The following SDC3 variants were observed in gnomAD, a reference collection of about 807,000 sequenced individuals.
SDC3 encodes syndecan 3, also known as syndecan-3.
In SDC3, 13 loss-of-function variants were observed where a neutral mutation model predicts 24.4. The ratio of observed to expected loss-of-function variants is 0.53; its 90% CI spans 0.35 to 0.85. The LOEUF is 0.85. Among genes scored for constraint, SDC3 ranks in the 40% least tolerant of loss-of-function variants. The pLI, the probability that SDC3 is intolerant of heterozygous loss-of-function variation, is 0.01. For missense variants in SDC3, 571 were observed against 584.5 expected, an observed-to-expected ratio of 0.98 and a Z score of 0.24; for synonymous variants, 295 against 260.9, an observed-to-expected ratio of 1.13 and a Z score of -1.26.
chr1:30,906,393 G>A (rs1037273741), intron 1 of SDC3, among the ~76,000 whole-genome samples: 2 of 152,074 alleles, frequency 1.3e-5, no homozygotes, highest in African/African-American at 2.4e-5. Context: ...CCAACACTGG[G>A]TCTGAGCCAC....
intron 1 of SDC3, among the ~76,000 whole-genome samples, chr1:30,884,076 G>A (rs1639788553): frequency 6.6e-6 from 1 of 152,192 alleles, no homozygotes; most frequent in Non-Finnish European, 1.5e-5. Flanking sequence ...GGAGGGGGAT[G>A]TCTCAGTCCC....
intron 1 of SDC3, among the ~76,000 whole-genome samples, chr1:30,905,932 C>G (rs1319163600): frequency 2.0e-5 from 3 of 148,350 alleles, no homozygotes; most frequent in Admixed American, 1.3e-4. Flanking sequence ...CCTGCTCTCC[C>G]TGCTATCCCC....
Position 30,876,955 on chromosome 1 carries a change from G to T in SDC3, c.467C>A (p.Ala156Asp). The T allele has an allele frequency of 6.2e-7, 1 of 1,613,740 alleles. No homozygotes were observed. The highest frequency in any genetic ancestry group is 1.1e-5 in the South Asian group (1 of 91,078). The change falls in exon 3 of 5, where the codon GCC becomes GAC. Residue 156 changes from alanine (A) to aspartate (D), a missense_variant. By Grantham distance (126) the Ala-to-Asp change is moderately radical (BLOSUM62 -2). Transcript: ENST00000339394. ...AGCCATGGTAGTGGAGACGGTGGTGGCTCTCTGGCTGGGCTCTTCCGGGAC... is the reference window on the plus strand; with the variant it reads ...AGCCATGGTAGTGGAGACGGTGGTGTCTCTCTGGCTGGGCTCTTCCGGGAC... Reference protein sequence around the residue: ...TEVPEEPSQRATTVSTTMATT... With the variant: ...TEVPEEPSQRDTTVSTTMATT...
chr1:30,908,287 C>T (rs1367596727), intron 1 of SDC3, among the ~76,000 whole-genome samples, 162 bp downstream of exon 1: 1 of 129,048 alleles, frequency 7.7e-6, no homozygotes, highest in Non-Finnish European at 1.6e-5. Context: ...GAAAGGGGCG[C>T]TCGGGGGAGG....
intron 1 of SDC3, among the ~76,000 whole-genome samples, chr1:30,905,857 GA>G (rs1638508245): frequency 7.7e-6 from 1 of 129,152 alleles, no homozygotes. Context: ...CCAGGAGACA[GA>G]CACAGACACA....
Position 30,907,651 on chromosome 1 carries a change from G to A in SDC3, c.138+798C>T, listed in dbSNP as rs12058796. Among the ~76,000 whole-genome samples the A allele has an allele frequency of 2.4e-3, 369 of 152,208 alleles. 3 individuals carry two copies. Among genetic ancestry groups the A allele is most frequent in the African/African-American group, 8.2e-3 (340 of 41,522 alleles). On this transcript the variant is annotated intron_variant, in intron 1 of 4. Coordinates refer to ENST00000339394, the MANE Select transcript of SDC3 (RefSeq NM_014654.4). ...CAATGGGTCACCCTCCCACGACCAC[G>A]GACGGGAGGGCACGCTGGCATCCAC... is the stretch of plus-strand genomic sequence containing the variant.
rs752456728 is a variant in SDC3 at position 30,876,802 on chromosome 1, C to G, written c.620G>C (p.Gly207Ala). ...TATTAVIRTT[G>A]VRRLLPLPLT... The stretch of plus-strand genomic sequence containing the variant: ...TGGGAGAGGCAGAAGCCTCCGTACG[C>G]CAGTGGTCCTTATAACAGCAGTGGT... The change falls in exon 3 of 5, where the codon GGC (glycine) becomes GCC (alanine). Residue 207 changes from glycine (G) to alanine (A), a missense_variant. Around this residue, in one of 2 missense-constraint regions of SDC3, gnomAD observed 497 missense variants for 471.6 expected, o/e 1.05. Coordinates refer to ENST00000339394, the MANE Select transcript of SDC3 (RefSeq NM_014654.4). 2 of 1,604,802 alleles carry G rather than the reference C, an allele frequency of 1.2e-6. No homozygotes were observed. The highest frequency in any genetic ancestry group is 8.5e-7 in the Non-Finnish European group (1 of 1,174,810).
chr1:30,905,478 G>A (rs1211227506), intron 1 of SDC3, among the ~76,000 whole-genome samples: 3 of 150,422 alleles, frequency 2.0e-5, no homozygotes, highest in African/African-American at 4.9e-5. Context: ...TATTTGTTGA[G>A]CCCTTAGTAG....
intron 1 of SDC3, among the ~76,000 whole-genome samples, chr1:30,900,475 G>A (rs1638391213): frequency 6.6e-6 from 1 of 152,168 alleles, no homozygotes; most frequent in African/African-American, 2.4e-5. Flanking sequence ...ATGACAGAGG[G>A]TAAAGACTGA....
chr1:30,907,250 C>G (rs538752388), intron 1 of SDC3, among the ~76,000 whole-genome samples: 1 of 152,180 alleles, frequency 6.6e-6, no homozygotes, highest in Non-Finnish European at 1.5e-5. Flanking sequence ...TGAGCCAGAA[C>G]CTGGACACTT....
At chr1:30,894,594 T>G (rs1249529429) in intron 1 of SDC3, among the ~76,000 whole-genome samples, 3 of 137,658 alleles carry the variant, frequency 2.2e-5, no homozygotes, top group African/African-American at 5.5e-5. Flanking sequence ...GCTACGTGTG[T>G]GTGGGTGTGT....
intron 1 of SDC3, among the ~76,000 whole-genome samples, chr1:30,888,698 A>G (rs944449905): frequency 6.6e-6 from 1 of 152,190 alleles, no homozygotes; most frequent in Admixed American, 6.5e-5. Context: ...ATTTATAACC[A>G]GCCCAAACTC....
intron 1 of SDC3, among the ~76,000 whole-genome samples, chr1:30,902,463 G>A (rs966717110): frequency 6.6e-6 from 1 of 152,170 alleles, no homozygotes; most frequent in African/African-American, 2.4e-5. Flanking sequence ...GGTGTGGGGG[G>A]TGCCATCAAC....
At chr1:30,897,416 C>T (rs934300477) in intron 1 of SDC3, among the ~76,000 whole-genome samples, 1 of 152,204 alleles carries the variant, frequency 6.6e-6, no homozygotes, top group Non-Finnish European at 1.5e-5. Context: ...TTTTCAAGGG[C>T]CCTTCCAGCT....
intron 1 of SDC3, among the ~76,000 whole-genome samples, chr1:30,884,971 T>C (rs943742031): frequency 6.6e-6 from 1 of 152,210 alleles, no homozygotes; most frequent in Non-Finnish European, 1.5e-5. Flanking sequence ...TTAAAAGACA[T>C]AAATGTGTCA....
chr1:30,874,363 C>T lies in SDC3; in HGVS notation c.1096G>A (p.Asp366Asn), dbSNP rs752144437. Residue 366 changes from aspartate (D) to asparagine (N), a missense_variant, in exon 4 of 5, where the codon GAC (aspartate) becomes AAC (asparagine). Asp to Asn is a conservative substitution (Grantham distance 23). This residue lies in a region of SDC3 where 74 missense variants were observed against 112.9 expected (regional missense o/e 0.66). Coordinates refer to ENST00000339394, the MANE Select transcript of SDC3 (RefSeq NM_014654.4). ...PGPGLLDNAI[D>N]SGSSAAQLPQ... is the part of the protein sequence containing the mutation. ...AGCTGAGCAGCTGAGCTGCCCGAGT[C>T]GATGGCATTGTCCAGGAGGCCAGGG... The T allele has an allele frequency of 1.4e-5, 22 of 1,613,784 alleles. No individual in the cohort carries two copies. The highest frequency in any genetic ancestry group is 2.7e-5 in the African/African-American group (2 of 74,910).
intron 1 of SDC3, among the ~76,000 whole-genome samples, chr1:30,902,386 G>T (rs906812747): frequency 2.0e-5 from 3 of 152,220 alleles, no homozygotes; most frequent in Non-Finnish European, 4.4e-5. Flanking sequence ...ATGGCGGGAG[G>T]GGGGCCGGAA....
chr1:30,885,069 C>A (rs1179337564), intron 1 of SDC3, among the ~76,000 whole-genome samples: 1 of 152,134 alleles, frequency 6.6e-6, no homozygotes, highest in Non-Finnish European at 1.5e-5. Flanking sequence ...GACAGTATAG[C>A]TGTTGATAGG....
intron 1 of SDC3, among the ~76,000 whole-genome samples, chr1:30,879,369 A>G (rs1639703959): frequency 6.6e-6 from 1 of 152,210 alleles, no homozygotes; most frequent in Non-Finnish European, 1.5e-5. Context: ...ACTTTCTACC[A>G]GTGAGTCATG....
Sources: gnomAD v4.1 joint callset for allele counts (sites outside exome capture counted in the v4.1 genomes callset) on GRCh38, gnomAD v4.1.1 for gene constraint, gnomAD v4.1.1 regional missense constraint, MANE v1.5 for transcripts, NCBI Gene and HGNC (gene_info 2026-07-23, HGNC 2026-07-21) for gene names.